The following PRRG4 variants were observed in gnomAD, a reference collection of about 807,000 sequenced individuals.
The protein encoded by PRRG4 is proline rich and Gla domain 4, also known as transmembrane gamma-carboxyglutamic acid protein 4.
Under a neutral mutation model 20.0 loss-of-function variants are expected in PRRG4, and 12 were observed. That is an observed-to-expected ratio of 0.60 (90% CI 0.38 to 0.97). PRRG4 has a LOEUF of 0.97. PRRG4 is among the 50% of genes least tolerant of loss of function. The pLI, the probability that PRRG4 is intolerant of heterozygous loss-of-function variation, is 0.00. For synonymous variants in PRRG4, 94 were observed against 96.4 expected (o/e 0.98, Z 0.15); for missense variants, 199 against 265.1 (o/e 0.75, Z 1.73).
At chr11:32,838,510 C>A (rs1851045333) in intron 3 of PRRG4, among the ~76,000 whole-genome samples, 2 of 152,010 alleles carry the variant, frequency 1.3e-5, no homozygotes, top group South Asian at 4.1e-4. Context: ...TAGAAAACTT[C>A]AGTCTCCTGT....
At chr11:32,843,257 T>TA (rs1851096242) in intron 5 of PRRG4, among the ~76,000 whole-genome samples, 1 of 152,172 alleles carries the variant, frequency 6.6e-6, no homozygotes, top group South Asian at 2.1e-4. Context: ...CTGAGGTCTT[T>TA]AAAAAGATTT....
At chr11:32,831,359 C>T (rs753424554) in intron 2 of PRRG4, among the ~76,000 whole-genome samples, 4 of 152,320 alleles carry the variant, frequency 2.6e-5, no homozygotes, top group Middle Eastern at 3.4e-3. Flanking sequence ...ATCCACGTCC[C>T]CACACATTCC....
chr11:32,831,655 T>C (rs558982641), intron 2 of PRRG4, among the ~76,000 whole-genome samples: 2 of 152,160 alleles, frequency 1.3e-5, no homozygotes, highest in Non-Finnish European at 1.5e-5. Flanking sequence ...GTTGCACTTA[T>C]AAGGTTCCAT....
intron 4 of PRRG4, among the ~76,000 whole-genome samples, chr11:32,839,759 A>G (rs187593081): frequency 0.013 from 1,899 of 146,420 alleles, 42 homozygotes; most frequent in African/African-American, 0.044. Context: ...TATATTTTGA[A>G]TATTATTAAA....
At chr11:32,829,914 GCCTCCTCCCGTCCTCCGTCGGCCGCCT>G (rs1260735201) in exon 1 of PRRG4, 2 of 985,426 alleles carry the variant, frequency 2.0e-6, no homozygotes, top group African/African-American at 3.5e-5. Context: ...CCAGGTAGCC[GCCTCCTCCCGTCCTCCGTCGGCCGCCT>G]CCCCGGACCG....
chr11:32,835,927 C>T (rs992292100), intron 2 of PRRG4, among the ~76,000 whole-genome samples: 1 of 151,892 alleles, frequency 6.6e-6, no homozygotes, highest in African/African-American at 2.4e-5. Flanking sequence ...AATAGTGAAA[C>T]CTCATATCTA....
At position 32,855,262 on chromosome 11, in the gene PRRG4, A is replaced by G. The variant is rs1391593766; in HGVS notation, c.*1735A>G. The G allele has an allele frequency of 6.6e-6, 1 of 152,196 alleles. No individual in the cohort carries two copies. Among genetic ancestry groups the G allele is most frequent in the Non-Finnish European group, 1.5e-5 (1 of 68,026 alleles). The allele number at this position is 152,196 out of a possible 1,614,324, so 9.4% of individuals were successfully genotyped here. On this transcript the variant is annotated 3_prime_UTR_variant, in exon 6 of 6. Transcript: ENST00000257836. ...CATATAAGCTATAAATTTCTGGAGT[A>G]TATGCACACAAATTTATCTGGGTGG...
chr11:32,837,531 T>G (rs1851033230), intron 3 of PRRG4, among the ~76,000 whole-genome samples: 1 of 110,010 alleles, frequency 9.1e-6, no homozygotes, highest in Non-Finnish European at 1.8e-5. Flanking sequence ...ATGATGATGA[T>G]GATGATGATG....
chr11:32,839,818 ATAT>A (rs1023949433), intron 4 of PRRG4, among the ~76,000 whole-genome samples: 33 of 146,818 alleles, frequency 2.2e-4, no homozygotes, highest in African/African-American at 7.4e-4. Flanking sequence ...TATATTTTAA[ATAT>A]TATTAAAATA....
chr11:32,846,143 A>G (rs1243879782), intron 5 of PRRG4, among the ~76,000 whole-genome samples: 1 of 152,030 alleles, frequency 6.6e-6, no homozygotes, highest in Non-Finnish European at 1.5e-5. Flanking sequence ...GGACAATGGG[A>G]GAGAGACCCT....
At position 32,855,473 on chromosome 11, in the gene PRRG4, T is replaced by G. The variant is rs953660773; in HGVS notation, c.*1946T>G. The G allele has an allele frequency of 1.2e-4, 18 of 152,224 alleles. No individual in the cohort carries two copies. The highest frequency in any genetic ancestry group is 4.4e-5 in the Non-Finnish European group (3 of 68,032). 9.4% of individuals were successfully genotyped at this position (152,224 alleles called of 1,614,324 possible). A position where few individuals can be genotyped will look rare whatever the true frequency, so the allele number is the denominator to read the frequency against. ...TTTATAATTTTTACAGGAGTGAGAC[T>G]GCAAACCCACATGTTTGATAGTTCC... is the stretch of plus-strand genomic sequence containing the variant. On this transcript the variant is annotated 3_prime_UTR_variant, in exon 6 of 6. Coordinates refer to ENST00000257836, the MANE Select transcript of PRRG4 (RefSeq NM_024081.6).
chr11:32,835,951 A>G (rs1851015789), intron 2 of PRRG4, among the ~76,000 whole-genome samples: 1 of 152,004 alleles, frequency 6.6e-6, no homozygotes, highest in Non-Finnish European at 1.5e-5. Flanking sequence ...AAAATACAAA[A>G]ATTAGCTGGG....
At chr11:32,837,092 T>C (rs1851027027) in intron 3 of PRRG4, among the ~76,000 whole-genome samples, 1 of 152,214 alleles carries the variant, frequency 6.6e-6, no homozygotes, top group Non-Finnish European at 1.5e-5. Flanking sequence ...GCAGAGTGAA[T>C]TTAACTCCAA....
At chr11:32,844,689 C>T (rs1013813524) in intron 5 of PRRG4, among the ~76,000 whole-genome samples, 3 of 151,814 alleles carry the variant, frequency 2.0e-5, no homozygotes, top group South Asian at 2.1e-4. Flanking sequence ...TTAGTAGAGA[C>T]GAGGTTTCAC....
rs1188338992 is a variant in PRRG4, at chr11:32,840,565, C to T, written c.449+326C>T. Among the ~76,000 whole-genome samples, 1 of 152,180 alleles carries T rather than the reference C, an allele frequency of 6.6e-6. No homozygotes were observed. Among genetic ancestry groups the T allele is most frequent in the African/African-American group, 2.4e-5 (1 of 41,452 alleles). ...TTTTCCTTCTGCTGCAGGATCCAGT[C>T]AAGTTACCACATTGCATTTAGCTGT... On this transcript the variant is annotated intron_variant, in intron 5 of 5. Transcript: ENST00000257836. The surrounding 1 kb of genome is among the most constrained non-coding windows in gnomAD (Gnocchi z 4.1).
chr11:32,833,308 G>A (rs991065171), intron 2 of PRRG4, among the ~76,000 whole-genome samples: 2 of 152,042 alleles, frequency 1.3e-5, no homozygotes, highest in African/African-American at 4.8e-5. Context: ...TTATGATATT[G>A]GCATAAATAT....
chr11:32,829,818 G>C (rs1257314961), upstream of PRRG4: 4 of 985,274 alleles, frequency 4.1e-6, no homozygotes, highest in Middle Eastern at 5.2e-4. Context: ...AGCGCAGCGC[G>C]GGCTCCCGGG....
intron 4 of PRRG4, 86 bp downstream of exon 4, chr11:32,839,016 G>A: frequency 1.0e-6 from 1 of 980,922 alleles, no homozygotes; most frequent in Non-Finnish European, 1.6e-6. Context: ...GAGTTTGGTT[G>A]TTGCGCAACA....
In PRRG4 at chr11:32,830,553, C is replaced by T. The variant is rs1850959409; in HGVS notation, c.24C>T (p.Leu8=). ...CTATGTTTACGCTTCTGGTTCTACT[C>T]AGCCAACTGCCCACAGTTACCCTGG... MFTLLVL[L]SQLPTVTLGF... Residue 8 remains leucine (L), a synonymous_variant, in exon 2 of 6, where the codon CTC becomes CTT. Transcript: ENST00000257836. The T allele has an allele frequency of 1.3e-6, 2 of 1,599,852 alleles. No homozygotes were observed. The highest frequency in any genetic ancestry group is 1.1e-5 in the South Asian group (1 of 88,332).
Sources: gnomAD v4.1 joint callset for allele counts (sites outside exome capture counted in the v4.1 genomes callset) on GRCh38, gnomAD v4.1.1 for gene constraint, Gnocchi (gnomAD v3.1) non-coding constraint, MANE v1.5 for transcripts, NCBI Gene and HGNC (gene_info 2026-07-23, HGNC 2026-07-21) for gene names.